The following PTPRJ variants were observed in gnomAD, a reference collection of about 807,000 sequenced individuals.
PTPRJ encodes receptor-type tyrosine-protein phosphatase eta.
Under a neutral mutation model 141.3 loss-of-function variants are expected in PTPRJ, and 129 were observed. The ratio of observed to expected loss-of-function variants is 0.91; its 90% CI spans 0.79 to 1.06. PTPRJ has a LOEUF of 1.06. PTPRJ is among the 50% of genes least tolerant of loss of function. PTPRJ has a pLI of 0.00. For synonymous variants in PTPRJ, 610 were observed against 640.5 expected, an observed-to-expected ratio of 0.95 and a Z score of 0.72; for missense variants, 1,601 against 1,679.7, an observed-to-expected ratio of 0.95 and a Z score of 0.82.
chr11:48,081,406 T>A (rs1855553858), intron 1 of PTPRJ, among the ~76,000 whole-genome samples: 1 of 152,154 alleles, frequency 6.6e-6, no homozygotes, highest in Non-Finnish European at 1.5e-5. Context: ...TGGTGGAAAC[T>A]GTGCTGGCAA....
intron 1 of PTPRJ, among the ~76,000 whole-genome samples, chr11:48,040,589 C>CT (rs1013828536): frequency 6.6e-6 from 1 of 150,890 alleles, no homozygotes; most frequent in Non-Finnish European, 1.5e-5. Flanking sequence ...GCTTCTCTTA[C>CT]TTTCTTTCTT....
rs772178303 is a variant in PTPRJ, at chr11:48,089,441, G to A, written c.97-20617G>A. On this transcript the variant is annotated intron_variant, in intron 1 of 24. Transcript: ENST00000418331. ...TGAGGCAGGAAAATTGCTTGAACCC[G>A]GGAGGCAGAGGTTACAGTGAGCCGA... Among the ~76,000 whole-genome samples, 17 of 150,956 alleles carry A rather than the reference G, an allele frequency of 1.1e-4. 1 individual carries two copies. Among genetic ancestry groups the A allele is most frequent in the Non-Finnish European group, 2.1e-4 (14 of 67,856 alleles).
intron 1 of PTPRJ, among the ~76,000 whole-genome samples, chr11:48,012,491 GT>G (rs1176843871): frequency 2.0e-5 from 3 of 152,178 alleles, no homozygotes; most frequent in Non-Finnish European, 4.4e-5. Flanking sequence ...CCAGGAACTC[GT>G]GATCTAGTCG....
chr11:48,063,918 A>G (rs979177980), intron 1 of PTPRJ, among the ~76,000 whole-genome samples: 5 of 147,484 alleles, frequency 3.4e-5, no homozygotes, highest in South Asian at 2.2e-4. Context: ...TTCTCAGCTT[A>G]TGTGTGTGTG....
At chr11:48,145,272 G>T in intron 14 of PTPRJ, 148 bp downstream of exon 14, 2 of 1,142,820 alleles carry the variant, frequency 1.8e-6, no homozygotes, top group East Asian at 2.4e-5. Context: ...GATGTCACTG[G>T]GTCACCGGGC....
At chr11:48,053,097 T>G (rs1854617323) in intron 1 of PTPRJ, among the ~76,000 whole-genome samples, 2 of 126,412 alleles carry the variant, frequency 1.6e-5, no homozygotes, top group South Asian at 2.2e-4. Context: ...TATAAAAAAT[T>G]TATATAATAT....
chr11:48,088,428 C>T (rs1050937991), intron 1 of PTPRJ, among the ~76,000 whole-genome samples: 4 of 152,328 alleles, frequency 2.6e-5, no homozygotes, highest in Admixed American at 2.6e-4. Flanking sequence ...CTGGCCTAAG[C>T]TGTGCTGTAC....
intron 1 of PTPRJ, among the ~76,000 whole-genome samples, chr11:48,031,449 A>G (rs1441350365): frequency 6.6e-6 from 1 of 152,202 alleles, no homozygotes; most frequent in African/African-American, 2.4e-5. Flanking sequence ...GGAAGGCCCT[A>G]CTGGATTCCA....
intron 1 of PTPRJ, among the ~76,000 whole-genome samples, chr11:48,043,570 T>C (rs1043664390): frequency 2.6e-5 from 4 of 152,180 alleles, no homozygotes; most frequent in South Asian, 4.1e-4. Context: ...AAGTGCCACC[T>C]GTATAAGACA....
rs71045549 is a variant in PTPRJ, at chr11:48,161,180, C to CAAAAAAAAAA, written c.3558+1140_3558+1149dup. On this transcript the variant is annotated intron_variant, in intron 22 of 24. Coordinates refer to ENST00000418331, the MANE Select transcript of PTPRJ (RefSeq NM_002843.4). Reference sequence around the variant, plus strand: ...TGGGTGACAAAGCAAGACCCGGTCTCAAAAAAAAAAAAAAAAAAGATAAAT... The same window carrying CAAAAAAAAAA: ...TGGGTGACAAAGCAAGACCCGGTCTCAAAAAAAAAAAAAAAAAAAAAAAAAAAAGATAAAT... 8.4e-4 allele frequency among the ~76,000 whole-genome samples: 57 copies of CAAAAAAAAAA among 68,014 alleles called. 1 individual carries two copies. The highest frequency in any genetic ancestry group is 1.5e-3 in the East Asian group (3 of 1,954). The allele number at this position is 68,014 out of a possible 152,430, so 44.6% of individuals were successfully genotyped here.
chr11:48,065,817 C>A (rs567756334), intron 1 of PTPRJ, among the ~76,000 whole-genome samples: 2 of 152,316 alleles, frequency 1.3e-5, no homozygotes, highest in Non-Finnish European at 1.5e-5. Flanking sequence ...AATGACACTC[C>A]TGAGGCTAGG....
At chr11:48,048,007 T>C (rs1417406617) in intron 1 of PTPRJ, among the ~76,000 whole-genome samples, 3 of 152,196 alleles carry the variant, frequency 2.0e-5, no homozygotes, top group Non-Finnish European at 4.4e-5. Context: ...TGGGGGCGTT[T>C]TGGGGGCCTG....
Position 48,121,142 on chromosome 11 carries a change from T to C in PTPRJ, c.492T>C (p.Thr164=). 1 of 1,614,216 alleles carries C rather than the reference T, an allele frequency of 6.2e-7. No individual in the cohort carries two copies. The highest frequency in any genetic ancestry group is 8.5e-7 in the Non-Finnish European group (1 of 1,180,022). Residue 164 remains threonine, a synonymous_variant, in exon 4 of 25, where the codon ACT becomes ACC. Coordinates refer to ENST00000418331, the MANE Select transcript of PTPRJ (RefSeq NM_002843.4). ...AGATGGAAAATGAGAAGACAATTAC[T>C]GTTGTGCATCAACCATGGTGTAACA... is the stretch of plus-strand genomic sequence containing the variant. ...KHKMENEKTI[T]VVHQPWCNIT...
At chr11:48,164,085 G>A (rs1369992404) in intron 23 of PTPRJ, among the ~76,000 whole-genome samples, 2 of 152,180 alleles carry the variant, frequency 1.3e-5, no homozygotes, top group African/African-American at 2.4e-5. Context: ...TGGCTAAAAT[G>A]TGCCGCCATC....
intron 1 of PTPRJ, among the ~76,000 whole-genome samples, chr11:48,053,793 T>C (rs1197143433): frequency 6.6e-6 from 1 of 150,714 alleles, no homozygotes; most frequent in Admixed American, 6.7e-5. Flanking sequence ...GCCAGGCTGG[T>C]GTCGAACTCC....
chr11:48,071,784 A>G lies in PTPRJ; in HGVS notation c.97-38274A>G, dbSNP rs188786559. ...ACGCCCAGCTAATTTTTGTATTTTC[A>G]GTAGAGACGGGGTTTCACCATGTTG... On this transcript the variant is annotated intron_variant, in intron 1 of 24. Transcript: ENST00000418331. Among the ~76,000 whole-genome samples, 1,008 of 146,958 alleles carry G rather than the reference A, an allele frequency of 6.9e-3. 11 individuals are homozygous for G. The highest frequency in any genetic ancestry group is 0.024 in the African/African-American group (942 of 39,364).
chr11:47,992,913 C>T (rs902209713), intron 1 of PTPRJ, among the ~76,000 whole-genome samples: 10 of 152,220 alleles, frequency 6.6e-5, no homozygotes, highest in South Asian at 4.1e-4. Flanking sequence ...ATGGGTTCAC[C>T]TGTTGCCAGA....
intron 1 of PTPRJ, among the ~76,000 whole-genome samples, chr11:48,038,845 T>TA (rs36150010): frequency 0.032 from 3,788 of 116,676 alleles, 155 homozygotes; most frequent in African/African-American, 0.099. Context: ...CACTTTACTC[T>TA]AAAAAAAAAA....
chr11:48,047,144 G>A (rs188704075), intron 1 of PTPRJ, among the ~76,000 whole-genome samples: 2 of 152,058 alleles, frequency 1.3e-5, no homozygotes, highest in East Asian at 3.9e-4. Context: ...TTGAACTCCT[G>A]ACCTCAGGTG....
Sources: gnomAD v4.1 joint callset for allele counts (sites outside exome capture counted in the v4.1 genomes callset) on GRCh38, gnomAD v4.1.1 for gene constraint, MANE v1.5 for transcripts, NCBI Gene and HGNC (gene_info 2026-07-23, HGNC 2026-07-21) for gene names.